The following SMAD2 variants were observed in gnomAD, a reference collection of about 807,000 sequenced individuals.
SMAD2 encodes SMAD family member 2.
A neutral mutation model predicts 64.4 loss-of-function variants in SMAD2; 8 were observed. The ratio of observed to expected loss-of-function variants is 0.12; its 90% CI spans 0.07 to 0.22. The LOEUF (loss-of-function observed/expected upper bound fraction) is 0.22. SMAD2 is among the 10% of genes least tolerant of loss of function. The pLI, the probability that SMAD2 is intolerant of heterozygous loss-of-function variation, is 1.00. For synonymous variants in SMAD2, 203 were observed against 195.8 expected (o/e 1.04, Z -0.31); for missense variants, 289 against 561.2 (o/e 0.51, Z 4.90).
In SMAD2 at chr18:47,814,228, T is replaced by C. The variant is rs188912350; in HGVS notation, c.*27599A>G. ...AAAGGTAAGCCCTGAAGCCTGACAGTCACAGGAAAGGAGAGGGTGTGTACT... is the reference window on the plus strand; with the variant it reads ...AAAGGTAAGCCCTGAAGCCTGACAGCCACAGGAAAGGAGAGGGTGTGTACT... On this transcript the variant is annotated 3_prime_UTR_variant, in exon 11 of 11. Coordinates refer to ENST00000262160, the MANE Select transcript of SMAD2 (RefSeq NM_005901.6). 30 of 152,238 alleles carry C rather than the reference T, an allele frequency of 2.0e-4. No homozygotes were observed. The East Asian group carries it at 5.6e-3, about 28-fold the overall frequency. 9.4% of individuals were successfully genotyped at this position (152,238 alleles called of 1,614,324 possible). A position where few individuals can be genotyped will look rare whatever the true frequency, so the allele number is the denominator to read the frequency against.
In SMAD2 at chr18:47,823,851, C is replaced by A. The variant is rs959814319; in HGVS notation, c.*17976G>T. On this transcript the variant is annotated 3_prime_UTR_variant, in exon 11 of 11. Transcript: ENST00000262160. ...TTTTAAACTTTGTATCTGTTATTTG[C>A]CAAATTTTCTGCAGAAAGAAGTACA... 6.6e-6 allele frequency: 1 copy of A among 152,162 alleles called. No homozygotes were observed. The highest frequency in any genetic ancestry group is 3.4e-3 in the Middle Eastern group (1 of 294). 9.4% of individuals were successfully genotyped at this position (152,162 alleles called of 1,614,324 possible). A position where few individuals can be genotyped will look rare whatever the true frequency, so the allele number is the denominator to read the frequency against.
Position 47,841,337 on chromosome 18 carries a change from T to A in SMAD2, c.*490A>T. ...TCTAAATAATTTGAAAATCTTGATA[T>A]ATATTATATATTAAAAAAGACACAC... On this transcript the variant is annotated 3_prime_UTR_variant, in exon 11 of 11. Transcript: ENST00000262160. 1 of 233,954 alleles carries A rather than the reference T, an allele frequency of 4.3e-6. No homozygotes were observed. The highest frequency in any genetic ancestry group is 8.4e-6 in the Non-Finnish European group (1 of 118,390). The allele number at this position is 233,954 out of a possible 1,614,324, so 14.5% of individuals were successfully genotyped here.
rs1352296746 is a variant in SMAD2, at chr18:47,809,105, G to C, written c.*32722C>G. 1 of 152,322 alleles carries C rather than the reference G, an allele frequency of 6.6e-6. No individual in the cohort carries two copies. Among genetic ancestry groups the C allele is most frequent in the African/African-American group, 2.4e-5 (1 of 41,468 alleles). 9.4% of individuals were successfully genotyped at this position (152,322 alleles called of 1,614,324 possible). A position where few individuals can be genotyped will look rare whatever the true frequency, so the allele number is the denominator to read the frequency against. On this transcript the variant is annotated 3_prime_UTR_variant, in exon 11 of 11. Transcript: ENST00000262160. ...GCTGAAGGAAGAATTCTCAGCAGCA[G>C]TTCTCAACAACAGATCACAGAAACA...
intron 10 of SMAD2, among the ~76,000 whole-genome samples, chr18:47,842,229 G>C (rs1441927537): frequency 6.6e-6 from 1 of 152,116 alleles, no homozygotes; most frequent in African/African-American, 2.4e-5. Flanking sequence ...ACACCTGAGA[G>C]AGAATGTAGA....
chr18:47,878,939 A>G (rs1482910707), intron 2 of SMAD2, among the ~76,000 whole-genome samples: 3 of 152,230 alleles, frequency 2.0e-5, no homozygotes, highest in Non-Finnish European at 4.4e-5. Context: ...GTATGTGGGC[A>G]GCCTGGGCAA....
intron 2 of SMAD2, among the ~76,000 whole-genome samples, chr18:47,873,927 A>G (rs1159350403): frequency 6.6e-6 from 1 of 152,180 alleles, no homozygotes; most frequent in Non-Finnish European, 1.5e-5. Context: ...TGGGGCTGCC[A>G]GAGAGTTTGA....
chr18:47,850,288 T>A (rs1471385011), intron 7 of SMAD2, among the ~76,000 whole-genome samples: 1 of 51,582 alleles, frequency 1.9e-5, no homozygotes, highest in Admixed American at 4.5e-4. Flanking sequence ...TTATATATAT[T>A]ATGTATAATA....
chr18:47,847,630 C>CA lies in SMAD2; in HGVS notation c.997+844dup, dbSNP rs34954783. ...ATAAAAAACAACTGTATTTCCAAAGCAAAAAAAAAAAAAATAGAGTGGCAA... is the reference window on the plus strand; with the variant it reads ...ATAAAAAACAACTGTATTTCCAAAGCAAAAAAAAAAAAAAATAGAGTGGCAA... On this transcript the variant is annotated intron_variant, in intron 8 of 10. Transcript: ENST00000262160. 9.7e-3 allele frequency among the ~76,000 whole-genome samples: 898 copies of CA among 92,820 alleles called. 5 individuals carry two copies. The highest frequency in any genetic ancestry group is 0.013 in the Non-Finnish European group (606 of 48,230). 60.9% of individuals were successfully genotyped at this position (92,820 alleles called of 152,430 possible).
rs1341216156 is a variant in SMAD2 at position 47,836,084 on chromosome 18, T to C, written c.*5743A>G. The C allele has an allele frequency of 4.6e-6, 1 of 215,382 alleles. No individual in the cohort carries two copies. The highest frequency in any genetic ancestry group is 2.3e-5 in the African/African-American group (1 of 44,270). The allele number at this position is 215,382 out of a possible 1,614,324, so 13.3% of individuals were successfully genotyped here. A position where few individuals can be genotyped will look rare whatever the true frequency, so the allele number is the denominator to read the frequency against. ...TGGCACTGAAGTTAAGTTAATATAC[T>C]CCAGCGAGATCACCTGTGGGTCAAG... On this transcript the variant is annotated 3_prime_UTR_variant, in exon 11 of 11. Transcript: ENST00000262160.
At chr18:47,897,043 T>A (rs540853566) in intron 1 of SMAD2, among the ~76,000 whole-genome samples, 97 of 152,328 alleles carry the variant, frequency 6.4e-4, no homozygotes, top group African/African-American at 2.2e-3. Flanking sequence ...AATACAGTAA[T>A]TTTGCAAGTA....
Position 47,823,947 on chromosome 18 carries a change from TTAA to T in SMAD2, c.*17877_*17879del, listed in dbSNP as rs1369308960. ...AAGGACTAAGGAAAAAAAATTGGAC[TTAA>T]TAATAGACTCCAGGTGGACTTAGCC... On this transcript the variant is annotated 3_prime_UTR_variant, in exon 11 of 11. Transcript: ENST00000262160. The T allele has an allele frequency of 6.6e-6, 1 of 152,200 alleles. No homozygotes were observed. Among genetic ancestry groups the T allele is most frequent in the Admixed American group, 6.5e-5 (1 of 15,282 alleles). 9.4% of individuals were successfully genotyped at this position (152,200 alleles called of 1,614,324 possible).
intron 2 of SMAD2, among the ~76,000 whole-genome samples, chr18:47,890,513 C>G (rs13381619): frequency 0.22 from 33,354 of 152,136 alleles, 4,589 homozygotes; most frequent in Middle Eastern, 0.31. Flanking sequence ...AAATCATATT[C>G]CTAGCTATAA....
At chr18:47,845,916 C>T in intron 8 of SMAD2, 116 bp from the exon 9 acceptor site, 1 of 881,252 alleles carries the variant, frequency 1.1e-6, no homozygotes, top group Middle Eastern at 2.2e-4. Flanking sequence ...GGATCTTTTT[C>T]ACAGATAATG....
rs1912761237 is a variant in SMAD2 at position 47,826,520 on chromosome 18, CTTGT to C, written c.*15303_*15306del. ...CTTCTACAACCTCCACAAAAACATG[CTTGT>C]TTAATGGAGGATAGGAGGCATGTGG... On this transcript the variant is annotated 3_prime_UTR_variant, in exon 11 of 11. Transcript: ENST00000262160. 1.3e-5 allele frequency: 2 copies of C among 152,188 alleles called. No homozygotes were observed. The allele number at this position is 152,188 out of a possible 1,614,324, so 9.4% of individuals were successfully genotyped here.
Position 47,837,907 on chromosome 18 carries a change from G to A in SMAD2, c.*3920C>T, listed in dbSNP as rs764491704. On this transcript the variant is annotated 3_prime_UTR_variant, in exon 11 of 11. Transcript: ENST00000262160. ...ACATATTTTATGTACAGTGAAGATT[G>A]TCTTGTGTTACTTTATATCCCAACA... is the stretch of plus-strand genomic sequence containing the variant. The A allele has an allele frequency of 3.0e-5, 7 of 232,488 alleles. No individual in the cohort carries two copies. Among genetic ancestry groups the A allele is most frequent in the Non-Finnish European group, 5.1e-5 (6 of 117,440 alleles). 14.4% of individuals were successfully genotyped at this position (232,488 alleles called of 1,614,324 possible).
intron 6 of SMAD2, among the ~76,000 whole-genome samples, chr18:47,860,880 CCTCA>C (rs761175615): frequency 1.5e-4 from 23 of 152,096 alleles, no homozygotes; most frequent in Non-Finnish European, 2.6e-4. Flanking sequence ...AAAAGAACTT[CCTCA>C]ATCAGATACA....
intron 10 of SMAD2, among the ~76,000 whole-genome samples, chr18:47,844,506 T>C (rs539766159): frequency 1.3e-5 from 2 of 152,328 alleles, no homozygotes; most frequent in South Asian, 4.1e-4. Context: ...TCATCAATAA[T>C]CTAGACTATC....
rs762509218 is a variant in SMAD2, at chr18:47,870,481, T to C, written c.320A>G (p.Gln107Arg). Reference protein sequence around the residue: ...DTTGLYSFSEQTRSLDGRLQV... With the variant: ...DTTGLYSFSERTRSLDGRLQV... ...CAGAGGGCAGAATATTCACCTGGTTTGTTCAGAGAAGCTGTAAAGGCCTGT... is the reference window on the plus strand; with the variant it reads ...CAGAGGGCAGAATATTCACCTGGTTCGTTCAGAGAAGCTGTAAAGGCCTGT... The change falls in exon 3 of 11, where the codon CAA becomes CGA. Residue 107 changes from glutamine to arginine, a missense_variant. Physicochemically the swap from Gln to Arg is conservative, Grantham distance 43. Transcript: ENST00000262160. 2.5e-6 allele frequency: 4 copies of C among 1,610,666 alleles called. No individual in the cohort carries two copies. The highest frequency in any genetic ancestry group is 3.4e-6 in the Non-Finnish European group (4 of 1,176,934).
chr18:47,814,730 G>C lies in SMAD2; in HGVS notation c.*27097C>G, dbSNP rs1176843869. 2 of 152,296 alleles carry C rather than the reference G, an allele frequency of 1.3e-5. No homozygotes were observed. Among genetic ancestry groups the C allele is most frequent in the Admixed American group, 6.5e-5 (1 of 15,286 alleles). The allele number at this position is 152,296 out of a possible 1,614,324, so 9.4% of individuals were successfully genotyped here. On this transcript the variant is annotated 3_prime_UTR_variant, in exon 11 of 11. Coordinates refer to ENST00000262160, the MANE Select transcript of SMAD2 (RefSeq NM_005901.6). ...AGTATGGCACAGGAGCACTAGCTCA[G>C]CATTGGTGGAAGGAGGTGTCTAGTC... is the stretch of plus-strand genomic sequence containing the variant.
Sources: gnomAD v4.1 joint callset for allele counts (sites outside exome capture counted in the v4.1 genomes callset) on GRCh38, gnomAD v4.1.1 for gene constraint, MANE v1.5 for transcripts, NCBI Gene and HGNC (gene_info 2026-07-23, HGNC 2026-07-21) for gene names.